Variants in PTPRT observed in about 807,000 individuals in gnomAD.
PTPRT encodes receptor-type tyrosine-protein phosphatase T.
In PTPRT, 56 loss-of-function variants were observed where a neutral mutation model predicts 176.8. The ratio of observed to expected loss-of-function variants is 0.32; its 90% CI spans 0.26 to 0.40. The LOEUF (loss-of-function observed/expected upper bound fraction) is 0.40. Among genes scored for constraint, PTPRT ranks in the 10% least tolerant of loss-of-function variants. PTPRT has a pLI of 1.00. For missense variants in PTPRT, 1,540 were observed against 1,908.2 expected (o/e 0.81, Z 3.60); for synonymous variants, 783 against 739.0 (o/e 1.06, Z -0.96).
intron 9 of PTPRT, among the ~76,000 whole-genome samples, chr20:42,357,457 G>A (rs1440517529): frequency 6.6e-6 from 1 of 152,168 alleles, no homozygotes; most frequent in Non-Finnish European, 1.5e-5. Flanking sequence ...TGTAGCTTGA[G>A]GGATTGCTTA....
rs192203995 is a variant in PTPRT at position 42,622,733 on chromosome 20, A to T, written c.1153+55133T>A. Among the ~76,000 whole-genome samples, 109 of 152,304 alleles carry T rather than the reference A, an allele frequency of 7.2e-4. 1 individual carries two copies. The East Asian group carries it at 0.018, about 25-fold the overall frequency. ...GAAACAGAAAAGTTCATGGCTTCAA[A>T]ATGCATGTTAGCCTGGGGTAAAAAA... On this transcript the variant is annotated intron_variant, in intron 7 of 30. Transcript: ENST00000373187.
chr20:42,178,867 G>A (rs185242363), intron 16 of PTPRT, among the ~76,000 whole-genome samples: 2 of 152,250 alleles, frequency 1.3e-5, no homozygotes, highest in East Asian at 1.9e-4. Context: ...CTTGCCAATA[G>A]GTCAACTTAC....
intron 2 of PTPRT, among the ~76,000 whole-genome samples, chr20:42,876,440 AGT>A (rs931810773): frequency 6.6e-5 from 10 of 152,160 alleles, no homozygotes; most frequent in Admixed American, 6.5e-4. Flanking sequence ...CATTCATGAG[AGT>A]GTGCCAGGCC....
At chr20:43,152,260 T>C (rs1159119695) in intron 1 of PTPRT, among the ~76,000 whole-genome samples, 1 of 152,218 alleles carries the variant, frequency 6.6e-6, no homozygotes, top group African/African-American at 2.4e-5. Context: ...TGGTTAACTG[T>C]GTAGTAGGAA....
chr20:43,096,148 G>C, intron 1 of PTPRT, among the ~76,000 whole-genome samples: 1 of 138,686 alleles, frequency 7.2e-6, no homozygotes, highest in Non-Finnish European at 1.5e-5. Context: ...GCCTCTCCCT[G>C]TTCCCCCTTC....
At chr20:42,784,109 G>T (rs1394787549) in intron 3 of PTPRT, among the ~76,000 whole-genome samples, 3 of 152,178 alleles carry the variant, frequency 2.0e-5, no homozygotes, top group Non-Finnish European at 2.9e-5. Flanking sequence ...GATGAGGCTT[G>T]CATGGAAAGG....
intron 1 of PTPRT, among the ~76,000 whole-genome samples, chr20:43,128,477 C>G (rs1240906691): frequency 6.6e-6 from 1 of 152,174 alleles, no homozygotes; most frequent in East Asian, 1.9e-4. Flanking sequence ...AGTTACCAAC[C>G]CATTCTTTTG....
At chr20:42,300,396 A>G (rs555659223) in intron 12 of PTPRT, among the ~76,000 whole-genome samples, 2 of 152,264 alleles carry the variant, frequency 1.3e-5, no homozygotes, top group African/African-American at 2.4e-5. Context: ...TTTCTATAAT[A>G]AGTACCATTC....
chr20:42,238,239 C>T (rs976988255), intron 14 of PTPRT, among the ~76,000 whole-genome samples: 3 of 152,182 alleles, frequency 2.0e-5, no homozygotes, highest in Non-Finnish European at 4.4e-5. Flanking sequence ...CAACCCTACA[C>T]ACCCAGAAGG....
At position 42,722,915 on chromosome 20, in the gene PTPRT, G is replaced by A. The variant is rs181696007; in HGVS notation, c.859+33547C>T. Among the ~76,000 whole-genome samples the A allele has an allele frequency of 1.4e-4, 22 of 152,320 alleles. No homozygotes were observed. The East Asian group carries it at 4.3e-3, about 29-fold the overall frequency. On this transcript the variant is annotated intron_variant, in intron 6 of 30. Coordinates refer to ENST00000373187, the MANE Select transcript of PTPRT (RefSeq NM_007050.6). ...TATGGCAAACTTTAACAAGTCTGCA[G>A]TTATCCTGGAAGGTGGTAAACATTA...
intron 1 of PTPRT, among the ~76,000 whole-genome samples, chr20:42,992,385 T>C (rs529288931): frequency 1.4e-4 from 21 of 152,308 alleles, no homozygotes; most frequent in Admixed American, 9.1e-4. Flanking sequence ...TGCCCATCCC[T>C]GGAAAATGGA....
At chr20:42,419,620 G>A (rs1452276180) in intron 9 of PTPRT, among the ~76,000 whole-genome samples, 2 of 152,044 alleles carry the variant, frequency 1.3e-5, no homozygotes, top group Non-Finnish European at 2.9e-5. Context: ...TCCCCCTCAT[G>A]CCCTCTTTTC....
intron 16 of PTPRT, among the ~76,000 whole-genome samples, chr20:42,187,512 C>T (rs1179221953): frequency 1.3e-5 from 2 of 152,224 alleles, no homozygotes; most frequent in Non-Finnish European, 2.9e-5. Flanking sequence ...TGGCCCTTTG[C>T]TATTTCCTTC....
Position 42,094,558 on chromosome 20 carries a change from G to A in PTPRT, c.3846+3863C>T, listed in dbSNP as rs535802219. Reference sequence around the variant, plus strand: ...CTGCCTCAGCCTCCCAAGTAGCTAGGATTACAGGCATGGACCACCATGCCC... The same window carrying A: ...CTGCCTCAGCCTCCCAAGTAGCTAGAATTACAGGCATGGACCACCATGCCC... On this transcript the variant is annotated intron_variant, in intron 27 of 30. Coordinates refer to ENST00000373187, the MANE Select transcript of PTPRT (RefSeq NM_007050.6). Among the ~76,000 whole-genome samples, 7 of 152,070 alleles carry A rather than the reference G, an allele frequency of 4.6e-5. No homozygotes were observed. The South Asian group carries it at 1.5e-3, about 32-fold the overall frequency.
chr20:42,621,802 G>T (rs2074202143), intron 7 of PTPRT, among the ~76,000 whole-genome samples: 1 of 152,042 alleles, frequency 6.6e-6, no homozygotes, highest in African/African-American at 2.4e-5. Context: ...CTCCTAAATT[G>T]CAGATGCCCA....
chr20:43,072,470 C>T (rs2011193955), intron 1 of PTPRT, among the ~76,000 whole-genome samples: 1 of 152,138 alleles, frequency 6.6e-6, no homozygotes, highest in Admixed American at 6.5e-5. Context: ...GTCTTCTTAG[C>T]TCAGAGAGAC....
downstream of PTPRT, among the ~76,000 whole-genome samples, chr20:42,068,175 TG>T (rs1982158412): frequency 6.6e-6 from 1 of 152,148 alleles, no homozygotes; most frequent in Non-Finnish European, 1.5e-5. Flanking sequence ...AAGTGCTAAG[TG>T]GGTTCCTGTG....
intron 16 of PTPRT, among the ~76,000 whole-genome samples, chr20:42,165,809 C>T (rs1297924120): frequency 6.6e-6 from 1 of 152,096 alleles, no homozygotes; most frequent in African/African-American, 2.4e-5. Context: ...GTTCTAGAGT[C>T]ACACAGTGGG....
At chr20:42,105,073 A>G (rs1437474473) in intron 24 of PTPRT, among the ~76,000 whole-genome samples, 1 of 152,182 alleles carries the variant, frequency 6.6e-6, no homozygotes. Flanking sequence ...TGTCTGCTGA[A>G]GGCAGAGGGG....
Sources: allele counts gnomAD v4.1 joint callset (sites outside exome capture counted in the v4.1 genomes callset), GRCh38; gene constraint gnomAD v4.1.1; transcripts MANE v1.5; gene names NCBI Gene and HGNC (gene_info 2026-07-23, HGNC 2026-07-21).